The following DHX15 variants were observed in gnomAD, a reference collection of about 807,000 sequenced individuals.
DHX15 encodes DEAH-box helicase 15.
In DHX15, 11 loss-of-function variants were observed where a neutral mutation model predicts 94.4. That is an observed-to-expected ratio of 0.12 (90% CI 0.07 to 0.19). The LOEUF (loss-of-function observed/expected upper bound fraction) is 0.19. Ranked by LOEUF, DHX15 falls within the 10% of genes least tolerant of loss-of-function variation. The pLI, the probability that DHX15 is intolerant of heterozygous loss-of-function variation, is 1.00. For synonymous variants in DHX15, 338 were observed against 329.9 expected, an observed-to-expected ratio of 1.02 and a Z score of -0.27; for missense variants, 304 against 988.5, an observed-to-expected ratio of 0.31 and a Z score of 9.29.
At chr4:24,530,650 G>C (rs983326578) in intron 12 of DHX15, 1 of 150,774 alleles carries the variant, frequency 6.6e-6, no homozygotes, top group African/African-American at 2.4e-5. Context: ...AAAAGAAAAA[G>C]GTAACCTACA....
At chr4:24,561,045 A>G (rs754973007) in intron 3 of DHX15, among the ~76,000 whole-genome samples, 1 of 152,206 alleles carries the variant, frequency 6.6e-6, no homozygotes, top group Non-Finnish European at 1.5e-5. Flanking sequence ...AAATTCAAGT[A>G]TACTCTATGA....
chr4:24,570,605 A>C (rs1300923655), intron 3 of DHX15, 49 bp downstream of exon 3: 5 of 1,572,456 alleles, frequency 3.2e-6, no homozygotes, highest in East Asian at 2.2e-5. Flanking sequence ...CTAATAGCAG[A>C]AAATGGCAAG....
chr4:24,563,242 A>T (rs1442358426), intron 3 of DHX15: 1 of 152,162 alleles, frequency 6.6e-6, no homozygotes, highest in East Asian at 1.9e-4. Context: ...GTGGCTACTC[A>T]CAGATACAAT....
chr4:24,578,629 GATCATGGCTCACTGC>G (rs1390807599), intron 1 of DHX15, among the ~76,000 whole-genome samples: 1 of 152,114 alleles, frequency 6.6e-6, no homozygotes, highest in Non-Finnish European at 1.5e-5. Context: ...TGGCTCACTG[GATCATGGCTCACTGC>G]AATATCAAAC....
At chr4:24,556,447 T>G (rs773666000) in intron 3 of DHX15, 37 bp from the exon 4 acceptor site, 1 of 1,527,014 alleles carries the variant, frequency 6.5e-7, no homozygotes. Context: ...AAGGTTCCGT[T>G]AGGTCATTTT....
chr4:24,533,577 C>T (rs1217115716), intron 11 of DHX15: 4 of 157,444 alleles, frequency 2.5e-5, no homozygotes, highest in Admixed American at 6.1e-5. Context: ...AGAAAGTTTA[C>T]AAGGATGCCC....
In DHX15 at chr4:24,584,476, G is replaced by A; in HGVS notation, c.-83C>T. On this transcript the variant is annotated 5_prime_UTR_variant, in exon 1 of 14. Coordinates refer to ENST00000336812, the MANE Select transcript of DHX15 (RefSeq NM_001358.3). ...CAGTCGAGGACAGCCACTTAACTCT[G>A]GAGGACCCCCACCCCTCCCGCTACT... The A allele has an allele frequency of 7.4e-7, 1 of 1,349,162 alleles. No homozygotes were observed. The highest frequency in any genetic ancestry group is 2.7e-5 in the East Asian group (1 of 36,658). 83.6% of individuals were successfully genotyped at this position (1,349,162 alleles called of 1,614,324 possible). A position where few individuals can be genotyped will look rare whatever the true frequency, so the allele number is the denominator to read the frequency against.
intron 6 of DHX15, among the ~76,000 whole-genome samples, chr4:24,543,370 A>C (rs571204007): frequency 6.6e-6 from 1 of 152,298 alleles, no homozygotes; most frequent in East Asian, 1.9e-4. Context: ...CTGATAAAAC[A>C]GCCCTTATAA....
intron 13 of DHX15, among the ~76,000 whole-genome samples, chr4:24,528,730 G>C (rs1721014411): frequency 6.6e-6 from 1 of 152,048 alleles, no homozygotes; most frequent in South Asian, 2.1e-4. Flanking sequence ...ATGAAGGTGA[G>C]GGTTATTTTG....
At chr4:24,535,473 T>C (rs1294274336) in intron 11 of DHX15, among the ~76,000 whole-genome samples, 2 of 152,000 alleles carry the variant, frequency 1.3e-5, no homozygotes, top group African/African-American at 2.4e-5. Context: ...TAATCAGGGG[T>C]AAGTCTTTAA....
At chr4:24,541,122 T>C (rs1053065318) in intron 8 of DHX15, among the ~76,000 whole-genome samples, 174 bp from the exon 9 acceptor site, 16 of 152,154 alleles carry the variant, frequency 1.1e-4, no homozygotes, top group African/African-American at 3.6e-4. Context: ...TTTCTCCAAC[T>C]ATCTTTATAG....
At chr4:24,565,742 G>A (rs913766561) in intron 3 of DHX15, among the ~76,000 whole-genome samples, 12 of 152,232 alleles carry the variant, frequency 7.9e-5, no homozygotes, top group African/African-American at 2.6e-4. Flanking sequence ...TTCTCCAACT[G>A]GATATCTACC....
intron 1 of DHX15, among the ~76,000 whole-genome samples, chr4:24,577,388 T>C (rs749302416): frequency 6.6e-5 from 10 of 152,222 alleles, no homozygotes; most frequent in Non-Finnish European, 1.5e-4. Flanking sequence ...GTTCAGTAAA[T>C]GTATATTGCT....
At chr4:24,567,764 G>A (rs1191934737) in intron 3 of DHX15, among the ~76,000 whole-genome samples, 1 of 152,030 alleles carries the variant, frequency 6.6e-6, no homozygotes, top group African/African-American at 2.4e-5. Context: ...GTATCTCTTT[G>A]GGTTTTTTCT....
rs1722411917 is a variant in DHX15, at chr4:24,581,320, G to GC, written c.71+3002dup. Among the ~76,000 whole-genome samples the GC allele has an allele frequency of 2.6e-5, 4 of 152,178 alleles. No individual in the cohort carries two copies. The South Asian group carries it at 8.3e-4, about 31-fold the overall frequency. On this transcript the variant is annotated intron_variant, in intron 1 of 13. Coordinates refer to ENST00000336812, the MANE Select transcript of DHX15 (RefSeq NM_001358.3). ...TGGGATTACAGGCGTGAGCCATTGC[G>GC]CCCGGCCTATGGCAGCCAATTTAAA...
At chr4:24,580,838 G>C (rs546517557) in intron 1 of DHX15, 1 of 151,648 alleles carries the variant, frequency 6.6e-6, no homozygotes, top group Non-Finnish European at 1.5e-5. Context: ...CTTTTTATCC[G>C]TCAATCTTAT....
At chr4:24,531,583 T>C (rs1252040820) in intron 12 of DHX15, among the ~76,000 whole-genome samples, 1 of 151,916 alleles carries the variant, frequency 6.6e-6, no homozygotes, top group Non-Finnish European at 1.5e-5. Context: ...CTAGGCATAG[T>C]GGTGCGTGCC....
In DHX15 at chr4:24,584,493, C is replaced by T. The variant is rs1164117192; in HGVS notation, c.-100G>A. On this transcript the variant is annotated 5_prime_UTR_variant, in exon 1 of 14. Coordinates refer to ENST00000336812, the MANE Select transcript of DHX15 (RefSeq NM_001358.3). ...TTAACTCTGGAGGACCCCCACCCCTCCCGCTACTACAGCCCACACGGTGCG... is the reference window on the plus strand; with the variant it reads ...TTAACTCTGGAGGACCCCCACCCCTTCCGCTACTACAGCCCACACGGTGCG... 7.8e-6 allele frequency: 9 copies of T among 1,156,840 alleles called. No homozygotes were observed. The East Asian group carries it at 2.4e-4, about 31-fold the overall frequency. The allele number at this position is 1,156,840 out of a possible 1,614,324, so 71.7% of individuals were successfully genotyped here.
At chr4:24,566,849 C>A (rs1320024120) in intron 3 of DHX15, among the ~76,000 whole-genome samples, 2 of 152,070 alleles carry the variant, frequency 1.3e-5, no homozygotes, top group African/African-American at 4.8e-5. Context: ...TAAATAAATC[C>A]AACATCTTCC....
Sources: allele counts gnomAD v4.1 joint callset (sites outside exome capture counted in the v4.1 genomes callset), GRCh38; gene constraint gnomAD v4.1.1; transcripts MANE v1.5; gene names NCBI Gene and HGNC (gene_info 2026-07-23, HGNC 2026-07-21).